The following SLC39A12 variants were observed in gnomAD, a reference collection of about 807,000 sequenced individuals.
SLC39A12 encodes the protein solute carrier family 39 member 12.
Under a neutral mutation model 71.1 loss-of-function variants are expected in SLC39A12, and 63 were observed. The observed-to-expected ratio is 0.89, with a 90% CI of 0.72 to 1.09. The LOEUF is 1.09. Ranked by LOEUF, SLC39A12 falls within the 50% of genes least tolerant of loss-of-function variation. SLC39A12 has a pLI of 0.00. For synonymous variants in SLC39A12, 351 were observed against 301.3 expected, an observed-to-expected ratio of 1.16 and a Z score of -1.71; for missense variants, 892 against 812.6, an observed-to-expected ratio of 1.10 and a Z score of -1.19.
chr10:17,991,198 T>G lies in SLC39A12; in HGVS notation c.1317T>G (p.His439Gln). The change falls in exon 8 of 13, where the codon CAT (histidine) becomes CAG (glutamine). Residue 439 changes from histidine (H) to glutamine (Q), a missense_variant. By Grantham distance (24) the His-to-Gln change is conservative. Coordinates refer to ENST00000377369, the MANE Select transcript of SLC39A12 (RefSeq NM_001145195.2). Reference sequence around the variant, plus strand: ...AAGCCCCAGAATTTGGGCATTTCCATGAAAGCAAAGGTCATATTTGGAAAC... The same window carrying G: ...AAGCCCCAGAATTTGGGCATTTCCAGGAAAGCAAAGGTCATATTTGGAAAC... ...KQEAPEFGHF[H>Q]ESKGHIWKLM... is the part of the protein sequence containing the mutation. 1 of 1,585,788 alleles carries G rather than the reference T, an allele frequency of 6.3e-7. No homozygotes were observed. The highest frequency in any genetic ancestry group is 8.5e-7 in the Non-Finnish European group (1 of 1,169,842).
chr10:17,968,596 A>G (rs1186635056), intron 4 of SLC39A12, among the ~76,000 whole-genome samples: 27 of 152,112 alleles, frequency 1.8e-4, no homozygotes, highest in Admixed American at 1.8e-3. Context: ...TAAACCTTCA[A>G]TCTGAAGGAT....
chr10:17,996,963 C>T (rs1323876680), intron 10 of SLC39A12, among the ~76,000 whole-genome samples: 4 of 139,886 alleles, frequency 2.9e-5, no homozygotes, highest in Admixed American at 1.6e-4. Context: ...TGCAGTGAGC[C>T]GAGATCGCGC....
intron 4 of SLC39A12, among the ~76,000 whole-genome samples, chr10:17,976,513 A>T (rs535452322): frequency 6.6e-6 from 1 of 152,184 alleles, no homozygotes; most frequent in African/African-American, 2.4e-5. Flanking sequence ...CACCCTCTGG[A>T]TTCAAGCGAT....
At chr10:17,959,785 T>G (rs962225764) in intron 2 of SLC39A12, among the ~76,000 whole-genome samples, 3 of 152,328 alleles carry the variant, frequency 2.0e-5, no homozygotes, top group Admixed American at 6.5e-5. Context: ...GAATCCCTTA[T>G]GTCAAGTAAA....
chr10:18,030,622 GTATT>G lies in SLC39A12; in HGVS notation c.1948-12057_1948-12054del, dbSNP rs200462935. On this transcript the variant is annotated intron_variant, in intron 12 of 12. Coordinates refer to ENST00000377369, the MANE Select transcript of SLC39A12 (RefSeq NM_001145195.2). ...TTTTTATTTTATTTTATTTATTTATGTATTTATTTATTTATTTATTTATTTATTT... is the reference window on the plus strand; with the variant it reads ...TTTTTATTTTATTTTATTTATTTATGTATTTATTTATTTATTTATTTATTT... 7.1e-3 allele frequency among the ~76,000 whole-genome samples: 1,048 copies of G among 148,052 alleles called. 19 individuals are homozygous for G. The highest frequency in any genetic ancestry group is 0.02 in the African/African-American group (827 of 40,434).
chr10:18,002,694 T>G (rs1320447515), intron 11 of SLC39A12: 1 of 152,342 alleles, frequency 6.6e-6, no homozygotes, highest in Non-Finnish European at 1.5e-5. Context: ...AAAATTTGTT[T>G]CCTAACCAAC....
intron 2 of SLC39A12, among the ~76,000 whole-genome samples, chr10:17,959,777 A>C (rs1310763915): frequency 4.6e-5 from 7 of 152,048 alleles, no homozygotes; most frequent in Admixed American, 4.6e-4. Context: ...ATTTATCCGA[A>C]TCCCTTATGT....
intron 12 of SLC39A12, among the ~76,000 whole-genome samples, chr10:18,006,033 C>T (rs181894820): frequency 2.0e-5 from 3 of 152,008 alleles, no homozygotes; most frequent in African/African-American, 7.3e-5. Flanking sequence ...GGGAAGAAAA[C>T]AAGGTTGCAA....
intron 12 of SLC39A12, among the ~76,000 whole-genome samples, chr10:18,020,704 G>A (rs146209650): frequency 5.0e-4 from 76 of 151,914 alleles, no homozygotes; most frequent in African/African-American, 1.8e-3. Context: ...TTTGATTTGC[G>A]TTTCCCTAAT....
At chr10:17,979,715 C>G (rs1049143139) in intron 5 of SLC39A12, among the ~76,000 whole-genome samples, 5 of 152,180 alleles carry the variant, frequency 3.3e-5, no homozygotes, top group African/African-American at 1.2e-4. Context: ...TGAGAAATGC[C>G]TTCCTCACCC....
chr10:17,976,292 T>C (rs1400620631), intron 4 of SLC39A12, among the ~76,000 whole-genome samples: 2 of 152,164 alleles, frequency 1.3e-5, no homozygotes, highest in Admixed American at 1.3e-4. Flanking sequence ...AATATATCAT[T>C]TCACTACCCT....
At chr10:18,035,648 C>T (rs1442089318) in intron 12 of SLC39A12, among the ~76,000 whole-genome samples, 4 of 152,204 alleles carry the variant, frequency 2.6e-5, no homozygotes, top group African/African-American at 7.2e-5. Flanking sequence ...TCTCTCAGCT[C>T]GTCAAAGTCA....
intron 12 of SLC39A12, among the ~76,000 whole-genome samples, chr10:18,024,341 C>G (rs1158374068): frequency 1.3e-5 from 2 of 152,074 alleles, no homozygotes; most frequent in Non-Finnish European, 2.9e-5. Flanking sequence ...TGTAGCTCTC[C>G]ATGTCAGTCT....
At chr10:18,034,173 G>A (rs1238580710) in intron 12 of SLC39A12, among the ~76,000 whole-genome samples, 1 of 152,080 alleles carries the variant, frequency 6.6e-6, no homozygotes, top group African/African-American at 2.4e-5. Context: ...AGGTCCACTT[G>A]GTGCAGAGCT....
intron 12 of SLC39A12, among the ~76,000 whole-genome samples, chr10:18,022,927 G>T (rs1000610324): frequency 2.0e-5 from 3 of 152,148 alleles, no homozygotes; most frequent in African/African-American, 7.2e-5. Flanking sequence ...GTTGAAATTT[G>T]GGCTCTAATC....
intron 4 of SLC39A12, among the ~76,000 whole-genome samples, chr10:17,977,541 T>C (rs909147335): frequency 6.6e-6 from 1 of 152,240 alleles, no homozygotes; most frequent in African/African-American, 2.4e-5. Context: ...AGTTTGTTTC[T>C]AGAATCTTAT....
chr10:18,025,034 T>C lies in SLC39A12; in HGVS notation c.1948-17671T>C, dbSNP rs187037279. The stretch of plus-strand genomic sequence containing the variant: ...AGTTTGGTCTCGTTTCTTGATCCAC[T>C]GTTATAATCTCTGTCTTTTAATTGG... On this transcript the variant is annotated intron_variant, in intron 12 of 12. Coordinates refer to ENST00000377369, the MANE Select transcript of SLC39A12 (RefSeq NM_001145195.2). Among the ~76,000 whole-genome samples the C allele has an allele frequency of 4.3e-4, 65 of 152,310 alleles. No individual in the cohort carries two copies. In the East Asian group the frequency reaches 0.012, roughly 28 times the overall value.
intron 2 of SLC39A12, among the ~76,000 whole-genome samples, chr10:17,957,546 C>T (rs1834581677): frequency 6.6e-6 from 1 of 152,026 alleles, no homozygotes; most frequent in Non-Finnish European, 1.5e-5. Context: ...AATTGCTTCA[C>T]CAGAGGCAGC....
In SLC39A12 at chr10:18,025,073, C is replaced by G. The variant is rs1485654889; in HGVS notation, c.1948-17632C>G. 2.6e-5 allele frequency among the ~76,000 whole-genome samples: 4 copies of G among 152,230 alleles called. No homozygotes were observed. The East Asian group carries it at 5.8e-4, about 22-fold the overall frequency. On this transcript the variant is annotated intron_variant, in intron 12 of 12. Transcript: ENST00000377369. ...TCTTTTAATTGGTATATTTAGATAA[C>G]TGTTATAGTGATTGCTTAGTTGAAT... is the stretch of plus-strand genomic sequence containing the variant.
Sources: gnomAD v4.1 joint callset for allele counts (sites outside exome capture counted in the v4.1 genomes callset) on GRCh38, gnomAD v4.1.1 for gene constraint, MANE v1.5 for transcripts, NCBI Gene and HGNC (gene_info 2026-07-23, HGNC 2026-07-21) for gene names.